The following SNTB1 variants were observed in gnomAD, a reference collection of about 807,000 sequenced individuals.
SNTB1 encodes the protein syntrophin beta 1.
A neutral mutation model predicts 48.9 loss-of-function variants in SNTB1; 36 were observed. That is an observed-to-expected ratio of 0.74 (90% CI 0.56 to 0.97). The LOEUF is 0.97. Ranked by LOEUF, SNTB1 falls within the 50% of genes least tolerant of loss-of-function variation. SNTB1 has a pLI of 0.00. For missense variants in SNTB1, 786 were observed against 703.4 expected, an observed-to-expected ratio of 1.12 and a Z score of -1.33; for synonymous variants, 299 against 294.6, an observed-to-expected ratio of 1.01 and a Z score of -0.15.
At chr8:120,639,250 G>A (rs1484202051) in intron 2 of SNTB1, among the ~76,000 whole-genome samples, 1 of 151,954 alleles carries the variant, frequency 6.6e-6, no homozygotes, top group Non-Finnish European at 1.5e-5. Flanking sequence ...TTTTTTTCTT[G>A]TAAATTTGTT....
intron 1 of SNTB1, among the ~76,000 whole-genome samples, chr8:120,697,776 A>T (rs1563854604): frequency 6.6e-6 from 1 of 152,238 alleles, no homozygotes. Context: ...GTTTACAGAG[A>T]CAAATGAAAC....
intron 4 of SNTB1, among the ~76,000 whole-genome samples, chr8:120,561,931 G>A (rs1207095293): frequency 1.3e-5 from 2 of 152,176 alleles, no homozygotes; most frequent in South Asian, 4.1e-4. Context: ...TGTCTGTGGA[G>A]CTGTTACAAA....
intron 1 of SNTB1, among the ~76,000 whole-genome samples, chr8:120,758,839 T>C (rs1439319241): frequency 1.3e-5 from 2 of 152,294 alleles, no homozygotes; most frequent in South Asian, 2.1e-4. Context: ...GATTAATTAA[T>C]AAAGAACTCC....
intron 1 of SNTB1, among the ~76,000 whole-genome samples, chr8:120,717,175 G>T (rs1419910764): frequency 6.6e-6 from 1 of 152,204 alleles, no homozygotes; most frequent in African/African-American, 2.4e-5. Flanking sequence ...AGACTGATTA[G>T]AATGCTCGGA....
chr8:120,565,947 G>A (rs549248497), intron 4 of SNTB1, among the ~76,000 whole-genome samples: 5 of 152,248 alleles, frequency 3.3e-5, no homozygotes, highest in Non-Finnish European at 5.9e-5. Flanking sequence ...GGTGGCTCAC[G>A]CCTGTAATCT....
At chr8:120,632,026 C>T (rs537254644) in intron 3 of SNTB1, among the ~76,000 whole-genome samples, 1 of 152,274 alleles carries the variant, frequency 6.6e-6, no homozygotes, top group South Asian at 2.1e-4. Flanking sequence ...ATAATTGAAT[C>T]ATCTCAATTC....
intron 4 of SNTB1, among the ~76,000 whole-genome samples, chr8:120,550,212 G>T (rs1815456040): frequency 6.6e-6 from 1 of 152,140 alleles, no homozygotes; most frequent in Non-Finnish European, 1.5e-5. Context: ...CAAAGAAAAA[G>T]TGTATTTGAA....
intron 2 of SNTB1, among the ~76,000 whole-genome samples, chr8:120,667,746 G>GT (rs561933449): frequency 1.1e-4 from 17 of 150,762 alleles, no homozygotes; most frequent in South Asian, 2.1e-4. Flanking sequence ...ATTCATCAGT[G>GT]TTTTTTTTTC....
chr8:120,591,800 G>T (rs1240758821), intron 3 of SNTB1, among the ~76,000 whole-genome samples: 1 of 152,076 alleles, frequency 6.6e-6, no homozygotes, highest in Non-Finnish European at 1.5e-5. Context: ...TGTGCAAAGA[G>T]TGTGATTTAG....
At chr8:120,769,539 T>TG (rs899751610) in intron 1 of SNTB1, 10 of 152,168 alleles carry the variant, frequency 6.6e-5, no homozygotes, top group Non-Finnish European at 1.2e-4. Context: ...CATTCTGGGT[T>TG]GGGGGGGCGG....
At chr8:120,663,472 A>G (rs1256275905) in intron 2 of SNTB1, among the ~76,000 whole-genome samples, 2 of 152,004 alleles carry the variant, frequency 1.3e-5, no homozygotes, top group African/African-American at 4.8e-5. Flanking sequence ...ATGCCCAGTT[A>G]ATTTTAGTAG....
rs1156992427 is a variant in SNTB1, at chr8:120,557,676, C to T, written c.1137-8718G>A. 2.6e-5 allele frequency among the ~76,000 whole-genome samples: 4 copies of T among 152,212 alleles called. No homozygotes were observed. The East Asian group carries it at 7.7e-4, about 29-fold the overall frequency. On this transcript the variant is annotated intron_variant, in intron 4 of 6. Transcript: ENST00000517992. ...TCCATTTACCTTACTGTTTCATAAT[C>T]ACCACCTGATCTCTCTTACTAGACC...
chr8:120,641,694 C>G (rs1817199199), intron 2 of SNTB1, among the ~76,000 whole-genome samples: 1 of 152,198 alleles, frequency 6.6e-6, no homozygotes, highest in Non-Finnish European at 1.5e-5. Context: ...GTGTCCACCT[C>G]AACTGTATTT....
At chr8:120,647,075 G>A (rs1312212630) in intron 2 of SNTB1, among the ~76,000 whole-genome samples, 1 of 139,400 alleles carries the variant, frequency 7.2e-6, no homozygotes, top group Admixed American at 7.3e-5. Context: ...TATTAGTCTT[G>A]CTAGCGGTCT....
chr8:120,617,866 T>C (rs1816739800), intron 3 of SNTB1, among the ~76,000 whole-genome samples: 1 of 152,214 alleles, frequency 6.6e-6, no homozygotes, highest in Non-Finnish European at 1.5e-5. Flanking sequence ...GATTTTCATA[T>C]ACTGCCTTTG....
At chr8:120,798,802 A>G (rs1301923245) in intron 1 of SNTB1, among the ~76,000 whole-genome samples, 1 of 152,064 alleles carries the variant, frequency 6.6e-6, no homozygotes, top group Non-Finnish European at 1.5e-5. Context: ...AAATGTGTCT[A>G]GGGCTGCGTG....
At chr8:120,640,219 C>G (rs79916457) in intron 2 of SNTB1, among the ~76,000 whole-genome samples, 54,760 of 150,058 alleles carry the variant, frequency 0.36, 11,256 homozygotes, top group Non-Finnish European at 0.48. Flanking sequence ...GATTTTTGCA[C>G]ATTGATTTTG....
At chr8:120,581,224 G>A (rs1816045053) in intron 3 of SNTB1, among the ~76,000 whole-genome samples, 1 of 152,180 alleles carries the variant, frequency 6.6e-6, no homozygotes, top group African/African-American at 2.4e-5. Context: ...TGCTCTATGG[G>A]AGCCTCAGCT....
chr8:120,654,769 A>C (rs538620427), intron 2 of SNTB1: 3 of 282,748 alleles, frequency 1.1e-5, no homozygotes, highest in African/African-American at 4.6e-5. Context: ...AGCATCCTCT[A>C]CTTCCTCTGT....
Sources: gnomAD v4.1 joint callset for allele counts (sites outside exome capture counted in the v4.1 genomes callset) on GRCh38, gnomAD v4.1.1 for gene constraint, MANE v1.5 for transcripts, NCBI Gene and HGNC (gene_info 2026-07-23, HGNC 2026-07-21) for gene names.